Variants in HOXA2 observed in about 807,000 individuals in gnomAD.
HOXA2 encodes the protein homeobox A2, also known as homeobox protein Hox-A2.
In HOXA2, 4 loss-of-function variants were observed where a neutral mutation model predicts 27.2. That is an observed-to-expected ratio of 0.15 (90% CI 0.07 to 0.34). The LOEUF is 0.34. Ranked by LOEUF, HOXA2 falls within the 10% of genes least tolerant of loss-of-function variation. The pLI is 1.00. For missense variants in HOXA2, 430 were observed against 473.2 expected (o/e 0.91, Z 0.85); for synonymous variants, 200 against 202.8 (o/e 0.99, Z 0.12).
At position 27,102,149 on chromosome 7, in the gene HOXA2, T is replaced by TGGCGGCGGC. The variant is rs748552806; in HGVS notation, c.343_351dup (p.Ala115_Ala117dup). 151 of 1,590,742 alleles carry TGGCGGCGGC rather than the reference T, an allele frequency of 9.5e-5. No individual in the cohort carries two copies. Among genetic ancestry groups the TGGCGGCGGC allele is most frequent in the Non-Finnish European group, 1.2e-4 (145 of 1,169,158 alleles). On this transcript the variant is annotated inframe_insertion, in exon 1 of 2. Transcript: ENST00000222718. This position sits in a 1 kb window ranked among gnomAD's most constrained non-coding sequence, Gnocchi z 4.6. Reference sequence around the variant, plus strand: ...CAAGCAGGGCCGGTGGCTGCGGCGGTGGCGGCGGCGGCGGCGGCCGGCAGA... The same window carrying TGGCGGCGGC: ...CAAGCAGGGCCGGTGGCTGCGGCGGTGGCGGCGGCGGCGGCGGCGGCGGCGGCCGGCAGA...
At position 27,102,032 on chromosome 7, in the gene HOXA2, T is replaced by TC. The variant is rs1454239380; in HGVS notation, c.391+77dup. The TC allele has an allele frequency of 6.4e-7, 1 of 1,562,946 alleles. No homozygotes were observed. The highest frequency in any genetic ancestry group is 1.4e-5 in the African/African-American group (1 of 73,310). On this transcript the variant is annotated intron_variant, in intron 1 of 1. Transcript: ENST00000222718. The surrounding 1 kb of genome is among the most constrained non-coding windows in gnomAD (Gnocchi z 4.6). The stretch of plus-strand genomic sequence containing the variant: ...CCTTCTCTCCCAGCCCACTCTCCCC[T>TC]CCCCCCACAGCCACTCTCGGGGCAG...
In HOXA2 at chr7:27,102,482, G is replaced by T; in HGVS notation, c.19C>A (p.Arg7=). 1 of 1,613,780 alleles carries T rather than the reference G, an allele frequency of 6.2e-7. No homozygotes were observed. Residue 7 remains arginine (R), a synonymous_variant, in exon 1 of 2, where the codon CGA becomes AGA. Coordinates refer to ENST00000222718, the MANE Select transcript of HOXA2 (RefSeq NM_006735.4). This position sits in a 1 kb window ranked among gnomAD's most constrained non-coding sequence, Gnocchi z 4.6. ...TGGCTATTGATAAAACCAATCTCTC[G>T]CTCAAATTCGTAATTCATGGCCTTC... is the stretch of plus-strand genomic sequence containing the variant. MNYEFE[R]EIGFINSQPS...
At chr7:27,101,491 ACACACG>A (rs766323058) in intron 1 of HOXA2, 26 bp from the exon 2 acceptor site, 9 of 1,598,832 alleles carry the variant, frequency 5.6e-6, no homozygotes, top group Middle Eastern at 1.8e-4. Context: ...CCAACAAGAG[ACACACG>A]CACAGTTGGA....
Position 27,100,418 on chromosome 7 carries a change from C to A in HOXA2, c.*308G>T. On this transcript the variant is annotated 3_prime_UTR_variant, in exon 2 of 2. Coordinates refer to ENST00000222718, the MANE Select transcript of HOXA2 (RefSeq NM_006735.4). ...CATGACAATGCATCCCAATGTAATA[C>A]AAAAATAAAAAGAAAGTGAAGATAC... The A allele has an allele frequency of 3.1e-6, 1 of 326,720 alleles. No homozygotes were observed. Among genetic ancestry groups the A allele is most frequent in the East Asian group, 6.8e-5 (1 of 14,700 alleles). The allele number at this position is 326,720 out of a possible 1,614,324, so 20.2% of individuals were successfully genotyped here.
At position 27,101,332 on chromosome 7, in the gene HOXA2, C is replaced by A; in HGVS notation, c.525G>T (p.Glu175Asp). Residue 175 changes from glutamate to aspartate, a missense_variant, in exon 2 of 2, where the codon GAG becomes GAT. By Grantham distance (45) the Glu-to-Asp change is conservative. Coordinates refer to ENST00000222718, the MANE Select transcript of HOXA2 (RefSeq NM_006735.4). ...NKYLCRPRRVEIAALLDLTER... is the reference protein window; with the variant it reads ...NKYLCRPRRVDIAALLDLTER... The stretch of plus-strand genomic sequence containing the variant: ...CAGTCAAATCCAGCAGCGCTGCAAT[C>A]TCCACCCTTCGGGGTCTGCAAAGGT... The A allele has an allele frequency of 6.2e-7, 1 of 1,614,038 alleles. No individual in the cohort carries two copies. Among genetic ancestry groups the A allele is most frequent in the Non-Finnish European group, 8.5e-7 (1 of 1,180,042 alleles).
rs1783923786 is a variant in HOXA2, at chr7:27,101,412, C to T, written c.445G>A (p.Ala149Thr). 1 of 1,603,542 alleles carries T rather than the reference C, an allele frequency of 6.2e-7. No homozygotes were observed. Among genetic ancestry groups the T allele is most frequent in the Non-Finnish European group, 8.5e-7 (1 of 1,179,972 alleles). Residue 149 changes from alanine to threonine, a missense_variant, in exon 2 of 2, where the codon GCT (alanine) becomes ACT (threonine). Around this residue, in one of 4 missense-constraint regions of HOXA2, gnomAD observed 166 missense variants for 207.6 expected, o/e 0.80. Coordinates refer to ENST00000222718, the MANE Select transcript of HOXA2 (RefSeq NM_006735.4). ...TCTAGAAGCTGTGTGTTGGTGTAAG[C>T]AGTTCTCAGGCGCCGCGATCCCCCG... ...SGGGSRRLRT[A>T]YTNTQLLELE... is the part of the protein sequence containing the mutation.
At chr7:27,101,553 G>A (rs1783926569) in intron 1 of HOXA2, 88 bp from the exon 2 acceptor site, 1 of 1,460,466 alleles carries the variant, frequency 6.8e-7, no homozygotes, top group Non-Finnish European at 9.4e-7. Flanking sequence ...AATAAATATA[G>A]CAGAAAAGAT....
In HOXA2 at chr7:27,101,131, G is replaced by A. The variant is rs1227610005; in HGVS notation, c.726C>T (p.Ala242=). 3.7e-6 allele frequency: 6 copies of A among 1,614,022 alleles called. No individual in the cohort carries two copies. The East Asian group carries it at 6.7e-5, about 18-fold the overall frequency. The change falls in exon 2 of 2, where the codon GCC becomes GCT. Residue 242 remains alanine, a synonymous_variant. Coordinates refer to ENST00000222718, the MANE Select transcript of HOXA2 (RefSeq NM_006735.4). The stretch of plus-strand genomic sequence containing the variant: ...AAGTGTAGCCTTCCCTCTCCAGAAG[G>A]GCCCCAGAGACGCTAAGGGCTTGCT... ...LFEQALSVSG[A]LLEREGYTFQ... is the part of the protein sequence containing the mutation.
intron 1 of HOXA2, 165 bp downstream of exon 1, chr7:27,101,945 T>G (rs775759589): frequency 1.0e-6 from 1 of 971,716 alleles, no homozygotes; most frequent in South Asian, 1.4e-5. Flanking sequence ...TTCCTCTCCA[T>G]CAAACCCACT....
intron 1 of HOXA2, 197 bp downstream of exon 1, chr7:27,101,913 A>G: frequency 1.3e-6 from 1 of 774,170 alleles, no homozygotes; most frequent in South Asian, 1.5e-5. Context: ...TATATGTCTC[A>G]TTGTAGAGCG....
In HOXA2 at chr7:27,102,263, T is replaced by C; in HGVS notation, c.238A>G (p.Ser80Gly). 1 of 1,522,936 alleles carries C rather than the reference T, an allele frequency of 6.6e-7. No individual in the cohort carries two copies. Among genetic ancestry groups the C allele is most frequent in the East Asian group, 2.6e-5 (1 of 37,988 alleles). 94.3% of individuals were successfully genotyped at this position (1,522,936 alleles called of 1,614,324 possible). Residue 80 changes from serine to glycine, a missense_variant, in exon 1 of 2, where the codon AGC becomes GGC. Physicochemically the swap from Ser to Gly is moderately conservative, Grantham distance 56. Coordinates refer to ENST00000222718, the MANE Select transcript of HOXA2 (RefSeq NM_006735.4). This position sits in a 1 kb window ranked among gnomAD's most constrained non-coding sequence, Gnocchi z 4.6. ...CCGGCGGGCACCGGGCTGCCGCGGC[T>C]GCCCGCGGGGCTCGGCTTGGGGCGG... ...GGRPKPSPAGSRGSPVPAGAL... is the reference protein window; with the variant it reads ...GGRPKPSPAGGRGSPVPAGAL...
rs765200841 is a variant in HOXA2 at position 27,100,792 on chromosome 7, T to C, written c.1065A>G (p.Ser355=). Reference sequence around the variant, plus strand: ...CTGTAAAAAAGTCTAAGCTGTCAGCTGAAATATCTACGGGACTGTCGAGGG... The same window carrying C: ...CTGTAAAAAAGTCTAAGCTGTCAGCCGAAATATCTACGGGACTGTCGAGGG... The part of the protein sequence containing the change: ...PGSLDSPVDI[S]ADSLDFFTDT... The change falls in exon 2 of 2, where the codon TCA becomes TCG. Residue 355 remains serine, a synonymous_variant. Transcript: ENST00000222718. The C allele has an allele frequency of 1.1e-5, 17 of 1,614,118 alleles. No individual in the cohort carries two copies. Among genetic ancestry groups the C allele is most frequent in the Non-Finnish European group, 1.4e-5 (17 of 1,180,042 alleles).
chr7:27,100,879 G>A lies in HOXA2; in HGVS notation c.978C>T (p.Ser326=). 6.2e-7 allele frequency: 1 copy of A among 1,614,204 alleles called. No homozygotes were observed. Among genetic ancestry groups the A allele is most frequent in the Non-Finnish European group, 8.5e-7 (1 of 1,180,036 alleles). ...ALEVPSLQDF[S]VFSTDSCLQL... Reference sequence around the variant, plus strand: ...GCAGGCAGGAATCTGTGGAGAAAACGCTAAAGTCCTGCAAAGAGGGGACCT... The same window carrying A: ...GCAGGCAGGAATCTGTGGAGAAAACACTAAAGTCCTGCAAAGAGGGGACCT... The change falls in exon 2 of 2, where the codon AGC becomes AGT. Residue 326 remains serine, a synonymous_variant. Coordinates refer to ENST00000222718, the MANE Select transcript of HOXA2 (RefSeq NM_006735.4).
At chr7:27,101,526 GGGTT>G in intron 1 of HOXA2, 61 bp from the exon 2 acceptor site, 1 of 1,572,278 alleles carries the variant, frequency 6.4e-7, no homozygotes, top group South Asian at 1.1e-5. Flanking sequence ...GGTCCGAGCG[GGGTT>G]ATTCCACTGG....
Position 27,101,446 on chromosome 7 carries a change from A to T in HOXA2, c.411T>A (p.Asp137Glu), listed in dbSNP as rs776760448. 4 of 1,600,506 alleles carry T rather than the reference A, an allele frequency of 2.5e-6. No homozygotes were observed. Among genetic ancestry groups the T allele is most frequent in the Non-Finnish European group, 3.4e-6 (4 of 1,179,966 alleles). Residue 137 changes from aspartate (D) to glutamate (E), a missense_variant, in exon 2 of 2, where the codon GAT (aspartate) becomes GAA (glutamate). By Grantham distance (45) the Asp-to-Glu change is conservative (BLOSUM62 2). Coordinates refer to ENST00000222718, the MANE Select transcript of HOXA2 (RefSeq NM_006735.4). The part of the protein sequence containing the change: ...LSHKESLEIA[D>E]GSGGGSRRLR... ...GGCGCCGCGATCCCCCGCCGCTGCC[A>T]TCGGCGATTTCCAGGGATTCTGCGG...
rs1395105034 is a variant in HOXA2 at position 27,102,559 on chromosome 7, G to A, written c.-59C>T. 1.7e-5 allele frequency: 26 copies of A among 1,554,692 alleles called. No homozygotes were observed. Among genetic ancestry groups the A allele is most frequent in the Non-Finnish European group, 2.0e-5 (23 of 1,133,990 alleles). On this transcript the variant is annotated 5_prime_UTR_variant, in exon 1 of 2. Transcript: ENST00000222718. This position sits in a 1 kb window ranked among gnomAD's most constrained non-coding sequence, Gnocchi z 4.6. ...TTCCCTCTTTTGGAGGGGCTTTGGG[G>A]GGGCAAGGCCTAGGAAAAAGGCGAG...
Position 27,100,697 on chromosome 7 carries a change from T to C in HOXA2, c.*29A>G. The C allele has an allele frequency of 6.2e-7, 1 of 1,613,548 alleles. No individual in the cohort carries two copies. The highest frequency in any genetic ancestry group is 1.7e-5 in the Admixed American group (1 of 60,016). On this transcript the variant is annotated 3_prime_UTR_variant, in exon 2 of 2. Transcript: ENST00000222718. Reference sequence around the variant, plus strand: ...CCACCTGGTCAAAGGAGTTTTTGTTTGGTGATGCTTTGTTTTGCTTTAATG... The same window carrying C: ...CCACCTGGTCAAAGGAGTTTTTGTTCGGTGATGCTTTGTTTTGCTTTAATG...
Position 27,102,133 on chromosome 7 carries a change from C to CCGGTGGCTGCGG in HOXA2, c.356_367dup (p.Ala119_Thr122dup), listed in dbSNP as rs755669563. On this transcript the variant is annotated inframe_insertion, in exon 1 of 2. Transcript: ENST00000222718. This position sits in a 1 kb window ranked among gnomAD's most constrained non-coding sequence, Gnocchi z 4.6. Reference sequence around the variant, plus strand: ...ACCTTTGTGGCTGAGGCAAGCAGGGCCGGTGGCTGCGGCGGTGGCGGCGGC... The same window carrying CCGGTGGCTGCGG: ...ACCTTTGTGGCTGAGGCAAGCAGGGCCGGTGGCTGCGGCGGTGGCTGCGGCGGTGGCGGCGGC... The CCGGTGGCTGCGG allele has an allele frequency of 3.7e-6, 6 of 1,600,240 alleles. No individual in the cohort carries two copies. The African/African-American group carries it at 4.0e-5, about 11-fold the overall frequency.
In HOXA2 at chr7:27,101,037, C is replaced by G. The variant is rs1272110796; in HGVS notation, c.820G>C (p.Val274Leu). Residue 274 changes from valine to leucine, a missense_variant, in exon 2 of 2, where the codon GTC becomes CTC. By Grantham distance (32) the Val-to-Leu change is conservative. This residue lies in a region of HOXA2 where 236 missense variants were observed against 208.5 expected (regional missense o/e 1.13). Coordinates refer to ENST00000222718, the MANE Select transcript of HOXA2 (RefSeq NM_006735.4). The stretch of plus-strand genomic sequence containing the variant: ...TTCTCATTGCTGGTTAAAGGCGAGA[C>G]TGGGAAACTTTGGGAGTCGCCATTG... ...GHNGDSQSFP[V>L]SPLTSNEKNL... The G allele has an allele frequency of 6.2e-7, 1 of 1,614,096 alleles. No homozygotes were observed. Among genetic ancestry groups the G allele is most frequent in the Non-Finnish European group, 8.5e-7 (1 of 1,180,056 alleles).
Sources: gnomAD v4.1 joint callset for allele counts on GRCh38, gnomAD v4.1.1 for gene constraint, gnomAD v4.1.1 regional missense constraint, Gnocchi (gnomAD v3.1) non-coding constraint, MANE v1.5 for transcripts, NCBI Gene and HGNC (gene_info 2026-07-23, HGNC 2026-07-21) for gene names.